GAS7: variants seen among roughly 807,000 people sequenced by gnomAD.
GAS7 encodes the protein growth arrest specific 7.
GAS7 carries 28 observed loss-of-function variants against 71.1 expected under a neutral mutation model. That is an observed-to-expected ratio of 0.39 (90% CI 0.29 to 0.54). The LOEUF is 0.54. Among genes scored for constraint, GAS7 ranks in the 20% least tolerant of loss-of-function variants. GAS7 has a pLI of 0.62. For missense variants in GAS7, 436 were observed against 627.8 expected (o/e 0.69, Z 3.27); for synonymous variants, 258 against 245.8 (o/e 1.05, Z -0.46).
rs540113494 is a variant in GAS7, at chr17:10,185,176, C to T, written c.183+13032G>A. Among the ~76,000 whole-genome samples, 26 of 152,258 alleles carry T rather than the reference C, an allele frequency of 1.7e-4. No homozygotes were observed. In the South Asian group the frequency reaches 4.6e-3, roughly 27 times the overall value. ...CTGACCTCAGGTGATCTACCTTCCT[C>T]GGCCTCCCAAAGTGCTGAGATTACA... is the stretch of plus-strand genomic sequence containing the variant. On this transcript the variant is annotated intron_variant, in intron 1 of 13. Transcript: ENST00000432992.
At chr17:10,116,705 C>T (rs561521359) in intron 1 of GAS7, among the ~76,000 whole-genome samples, 3 of 152,216 alleles carry the variant, frequency 2.0e-5, no homozygotes, top group Admixed American at 6.5e-5. Context: ...TTTATTTATT[C>T]GACACAGGTT....
rs1222354165 is a variant in GAS7 at position 9,916,718 on chromosome 17, GA to G, written c.*509del. 5.2e-6 allele frequency: 2 copies of G among 382,506 alleles called. No individual in the cohort carries two copies. Among genetic ancestry groups the G allele is most frequent in the Non-Finnish European group, 9.3e-6 (2 of 216,132 alleles). 23.7% of individuals were successfully genotyped at this position (382,506 alleles called of 1,614,324 possible). On this transcript the variant is annotated 3_prime_UTR_variant, in exon 14 of 14. Transcript: ENST00000432992. ...GATGTGGACTCCCAGAATGCAATGGGAAAAAAATAAAGAAGGAGGGCTGCAA... is the reference window on the plus strand; with the variant it reads ...GATGTGGACTCCCAGAATGCAATGGGAAAAAATAAAGAAGGAGGGCTGCAA...
intron 2 of GAS7, among the ~76,000 whole-genome samples, chr17:10,003,054 G>C (rs2071333049): frequency 6.6e-6 from 1 of 152,184 alleles, no homozygotes; most frequent in Non-Finnish European, 1.5e-5. Context: ...ACATTCCCAG[G>C]CACTGGCGAA....
chr17:10,117,467 AG>A (rs1430068667), intron 1 of GAS7, among the ~76,000 whole-genome samples: 1 of 152,126 alleles, frequency 6.6e-6, no homozygotes, highest in Non-Finnish European at 1.5e-5. Context: ...TGGGCTGCAA[AG>A]GCCCTGATGA....
At chr17:9,928,118 TA>T (rs1215038499) in intron 9 of GAS7, among the ~76,000 whole-genome samples, 3 of 151,474 alleles carry the variant, frequency 2.0e-5, no homozygotes, top group Non-Finnish European at 2.9e-5. Flanking sequence ...TTTATTTATT[TA>T]TTTATTTTTT....
chr17:9,979,201 G>A (rs75907883), intron 3 of GAS7, among the ~76,000 whole-genome samples: 3,722 of 152,274 alleles, frequency 0.024, 116 homozygotes, highest in African/African-American at 0.071. Context: ...ATGCTAATGT[G>A]CCTGTCCTTC....
chr17:10,077,532 T>C (rs924863001), intron 1 of GAS7, among the ~76,000 whole-genome samples: 33 of 152,054 alleles, frequency 2.2e-4, no homozygotes, highest in African/African-American at 7.0e-4. Flanking sequence ...GCACAAAGTA[T>C]CTATGAGGTA....
chr17:10,005,143 ACGCATGCATGCATGTGTGTG>A (rs1597663074), intron 2 of GAS7, among the ~76,000 whole-genome samples: 3 of 72,942 alleles, frequency 4.1e-5, no homozygotes, highest in Admixed American at 1.8e-4. Context: ...GTGTGCGCGC[ACGCATGCATGCATGTGTGTG>A]CGCACGCATG....
intron 2 of GAS7, among the ~76,000 whole-genome samples, chr17:10,013,913 T>C (rs915619299): frequency 6.6e-6 from 1 of 152,156 alleles, no homozygotes. Context: ...TCCTCATCAC[T>C]TCACCTCTCT....
At chr17:10,118,181 G>A (rs907376888) in intron 1 of GAS7, among the ~76,000 whole-genome samples, 4 of 136,014 alleles carry the variant, frequency 2.9e-5, no homozygotes, top group African/African-American at 1.0e-4. Context: ...TGCAAGACAA[G>A]ATGATAGAGA....
chr17:9,919,594 A>T lies in GAS7; in HGVS notation c.1218+32T>A. 6.7e-7 allele frequency: 1 copy of T among 1,503,538 alleles called. No individual in the cohort carries two copies. Among genetic ancestry groups the T allele is most frequent in the Non-Finnish European group, 9.3e-7 (1 of 1,078,796 alleles). 93.1% of individuals were successfully genotyped at this position (1,503,538 alleles called of 1,614,324 possible). A position where few individuals can be genotyped will look rare whatever the true frequency, so the allele number is the denominator to read the frequency against. On this transcript the variant is annotated intron_variant, in intron 12 of 13. Coordinates refer to ENST00000432992, the MANE Select transcript of GAS7 (RefSeq NM_201433.2). This position sits in a 1 kb window ranked among gnomAD's most constrained non-coding sequence, Gnocchi z 5.0. ...GGGGCTGCTCTGTGTCAGCCTCTGTACTGCCATGTCCACACATCCCTGCCC... is the reference window on the plus strand; with the variant it reads ...GGGGCTGCTCTGTGTCAGCCTCTGTTCTGCCATGTCCACACATCCCTGCCC...
chr17:10,190,193 C>T (rs1005198745), intron 1 of GAS7, among the ~76,000 whole-genome samples: 1 of 152,146 alleles, frequency 6.6e-6, no homozygotes, highest in South Asian at 2.1e-4. Context: ...CCGATGCAGC[C>T]GTAACTCAGT....
intron 2 of GAS7, among the ~76,000 whole-genome samples, chr17:10,018,773 A>G (rs2072142295): frequency 6.6e-6 from 1 of 152,032 alleles, no homozygotes; most frequent in South Asian, 2.1e-4. Flanking sequence ...TAGTAACGAT[A>G]CCCCCAGGTG....
intron 1 of GAS7, among the ~76,000 whole-genome samples, chr17:10,032,069 C>T (rs2072632951): frequency 6.8e-6 from 1 of 146,144 alleles, no homozygotes; most frequent in South Asian, 2.2e-4. Flanking sequence ...GAAGCAGGGA[C>T]TGCTTCCCCG....
chr17:10,130,904 GC>G (rs1266864550), intron 1 of GAS7, among the ~76,000 whole-genome samples: 1 of 152,210 alleles, frequency 6.6e-6, no homozygotes, highest in Admixed American at 6.5e-5. Context: ...TTTTTGAGGT[GC>G]TGGAAATGTT....
intron 1 of GAS7, among the ~76,000 whole-genome samples, chr17:10,170,030 T>C (rs972425889): frequency 6.6e-6 from 1 of 152,242 alleles, no homozygotes; most frequent in African/African-American, 2.4e-5. Context: ...CCAAATCCCA[T>C]TGGTCTCGCT....
Position 9,974,384 on chromosome 17 carries a change from C to G in GAS7, c.386-4622G>C, listed in dbSNP as rs2070100462. Among the ~76,000 whole-genome samples the G allele has an allele frequency of 6.6e-6, 1 of 152,120 alleles. No individual in the cohort carries two copies. The highest frequency in any genetic ancestry group is 1.5e-5 in the Non-Finnish European group (1 of 68,024). On this transcript the variant is annotated intron_variant, in intron 3 of 13. Coordinates refer to ENST00000432992, the MANE Select transcript of GAS7 (RefSeq NM_201433.2). This position sits in a 1 kb window ranked among gnomAD's most constrained non-coding sequence, Gnocchi z 4.0. ...CCCTGTCCTGGGGGCTCCCGGCTCA[C>G]CCAGGGTCAGCCACAAAACAAATGA...
At chr17:10,030,075 T>C (rs2072574580) in intron 1 of GAS7, among the ~76,000 whole-genome samples, 1 of 152,194 alleles carries the variant, frequency 6.6e-6, no homozygotes, top group Non-Finnish European at 1.5e-5. Flanking sequence ...TTGCTTCTCA[T>C]GTCCACTCTT....
chr17:9,971,788 ACT>A (rs2069974716), intron 3 of GAS7, among the ~76,000 whole-genome samples: 1 of 152,058 alleles, frequency 6.6e-6, no homozygotes, highest in Non-Finnish European at 1.5e-5. Flanking sequence ...TCTAGAGAAA[ACT>A]CTATAGCGTG....
Sources: gnomAD v4.1 joint callset for allele counts (sites outside exome capture counted in the v4.1 genomes callset) on GRCh38, gnomAD v4.1.1 for gene constraint, Gnocchi (gnomAD v3.1) non-coding constraint, MANE v1.5 for transcripts, NCBI Gene and HGNC (gene_info 2026-07-23, HGNC 2026-07-21) for gene names.